The following CDH22 variants were observed in gnomAD, a reference collection of about 807,000 sequenced individuals.
The protein encoded by CDH22 is cadherin-22.
In CDH22, 30 loss-of-function variants were observed where a neutral mutation model predicts 58.4. That is an observed-to-expected ratio of 0.51 (90% CI 0.38 to 0.70). CDH22 has a LOEUF of 0.70. CDH22 is among the 30% of genes least tolerant of loss of function. CDH22 has a pLI of 0.00. For synonymous variants in CDH22, 513 were observed against 558.2 expected, an observed-to-expected ratio of 0.92 and a Z score of 1.14; for missense variants, 1,014 against 1,233.9, an observed-to-expected ratio of 0.82 and a Z score of 2.67.
intron 10 of CDH22, among the ~76,000 whole-genome samples, chr20:46,185,378 G>T (rs1022938008): frequency 1.3e-5 from 2 of 152,152 alleles, no homozygotes; most frequent in African/African-American, 4.8e-5. Flanking sequence ...AGGGCAGTTT[G>T]CTTTCCAGGT....
chr20:46,188,321 T>C (rs1473721655), intron 8 of CDH22, among the ~76,000 whole-genome samples: 3 of 152,196 alleles, frequency 2.0e-5, no homozygotes, highest in Non-Finnish European at 2.9e-5. Flanking sequence ...TGCTGTTTTA[T>C]GTCTGTATAA....
In CDH22 at chr20:46,282,480, C is replaced by A. The variant is rs536646118; in HGVS notation, c.-400+25775G>T. 3.9e-5 allele frequency among the ~76,000 whole-genome samples: 6 copies of A among 152,260 alleles called. No homozygotes were observed. The East Asian group carries it at 1.2e-3, about 29-fold the overall frequency. On this transcript the variant is annotated intron_variant, in intron 1 of 11. Coordinates refer to ENST00000537909, the MANE Select transcript of CDH22 (RefSeq NM_021248.3). ...AAGGGAAAGGAAAAAATGCCAGCTA[C>A]AGCCAGAATAAAATCAGGGCAAATA... is the stretch of plus-strand genomic sequence containing the variant.
chr20:46,212,953 C>T, intron 6 of CDH22, 42 bp downstream of exon 6: 3 of 1,566,782 alleles, frequency 1.9e-6, no homozygotes, highest in South Asian at 2.2e-5. Flanking sequence ...ATCCTCCCAC[C>T]CCTGAGGCCT....
At chr20:46,209,385 G>A (rs1403034260) in intron 7 of CDH22, among the ~76,000 whole-genome samples, 1 of 152,118 alleles carries the variant, frequency 6.6e-6, no homozygotes, top group Non-Finnish European at 1.5e-5. Context: ...GGGAGGTGTG[G>A]TCTGAGAGGT....
Position 46,174,890 on chromosome 20 carries a change from G to A in CDH22, c.2103C>T (p.Asp701=). The change falls in exon 12 of 12, where the codon GAC becomes GAT. Residue 701 remains aspartate (D), a synonymous_variant. Transcript: ENST00000537909. This position sits in a 1 kb window ranked among gnomAD's most constrained non-coding sequence, Gnocchi z 4.4. ...LYDFGELKGG[D]GGGSAGGGAG... ...CTCCCCCGCCCGCGCTGCCGCCCCC[G>A]TCGCCGCCCTTGAGCTCGCCGAAGT... 2 of 829,022 alleles carry A rather than the reference G, an allele frequency of 2.4e-6. No homozygotes were observed. The highest frequency in any genetic ancestry group is 3.1e-6 in the Non-Finnish European group (2 of 635,630). The allele number at this position is 829,022 out of a possible 1,614,324, so 51.4% of individuals were successfully genotyped here. A position where few individuals can be genotyped will look rare whatever the true frequency, so the allele number is the denominator to read the frequency against.
intron 1 of CDH22, among the ~76,000 whole-genome samples, chr20:46,305,434 C>T (rs906811288): frequency 3.9e-5 from 6 of 152,192 alleles, no homozygotes; most frequent in Non-Finnish European, 7.3e-5. Context: ...GACCTGAGGC[C>T]TGGGTTTCCT....
chr20:46,195,906 A>G (rs2145665567), intron 8 of CDH22, among the ~76,000 whole-genome samples: 1 of 152,226 alleles, frequency 6.6e-6, no homozygotes, highest in East Asian at 1.9e-4. Context: ...GTGCTCACCA[A>G]GCGCCGCCGC....
At chr20:46,285,229 T>C (rs2086570848) in intron 1 of CDH22, among the ~76,000 whole-genome samples, 1 of 152,198 alleles carries the variant, frequency 6.6e-6, no homozygotes, top group African/African-American at 2.4e-5. Flanking sequence ...GGAGAATTGT[T>C]CTCGAACAGG....
At chr20:46,177,730 G>A (rs2085751188) in intron 11 of CDH22, among the ~76,000 whole-genome samples, 1 of 152,176 alleles carries the variant, frequency 6.6e-6, no homozygotes, top group African/African-American at 2.4e-5. Context: ...AATGGGGTGG[G>A]CCACAGTGAG....
At chr20:46,307,791 GA>G (rs2059030631) in intron 1 of CDH22, among the ~76,000 whole-genome samples, 1 of 152,028 alleles carries the variant, frequency 6.6e-6, no homozygotes, top group South Asian at 2.1e-4. Context: ...CCGCCTCTGG[GA>G]GGGGCCGGGG....
intron 1 of CDH22, among the ~76,000 whole-genome samples, chr20:46,260,866 G>A (rs1450659963): frequency 6.6e-6 from 1 of 152,278 alleles, no homozygotes; most frequent in South Asian, 2.1e-4. Context: ...ACCTGTCATG[G>A]GATTTCTGTC....
At chr20:46,272,090 AC>A (rs1315288653) in intron 1 of CDH22, among the ~76,000 whole-genome samples, 2 of 152,134 alleles carry the variant, frequency 1.3e-5, no homozygotes, top group Non-Finnish European at 1.5e-5. Flanking sequence ...TCATCCCTGC[AC>A]CCCCAATGGG....
At chr20:46,266,436 G>A (rs2425816) in intron 1 of CDH22, among the ~76,000 whole-genome samples, 47,296 of 152,100 alleles carry the variant, frequency 0.31, 8,545 homozygotes, top group Middle Eastern at 0.52. Context: ...AGGCAGAGAA[G>A]GACCTGCAGG....
intron 1 of CDH22, among the ~76,000 whole-genome samples, chr20:46,268,387 C>G (rs116042714): frequency 6.6e-6 from 1 of 152,250 alleles, no homozygotes; most frequent in Admixed American, 6.5e-5. Flanking sequence ...CGCAGCTCCC[C>G]GAGGTCCCAG....
rs2056282278 is a variant in CDH22, at chr20:46,241,849, G to A, written c.256-592C>T. 6.6e-6 allele frequency among the ~76,000 whole-genome samples: 1 copy of A among 152,194 alleles called. No individual in the cohort carries two copies. Among genetic ancestry groups the A allele is most frequent in the Non-Finnish European group, 1.5e-5 (1 of 68,040 alleles). On this transcript the variant is annotated intron_variant, in intron 2 of 11. Coordinates refer to ENST00000537909, the MANE Select transcript of CDH22 (RefSeq NM_021248.3). This position sits in a 1 kb window ranked among gnomAD's most constrained non-coding sequence, Gnocchi z 5.2. ...ACTCTAGTATGCATGCAGTTCACCT[G>A]GGGATCTTGTTAAAATGCAGATTCT... is the stretch of plus-strand genomic sequence containing the variant.
chr20:46,299,373 C>T (rs1030575195), intron 1 of CDH22, among the ~76,000 whole-genome samples: 9 of 152,238 alleles, frequency 5.9e-5, no homozygotes, highest in Middle Eastern at 3.2e-3. Context: ...CAGAGTCAAG[C>T]GCATCACTTC....
At chr20:46,301,456 T>A (rs1004825999) in intron 1 of CDH22, among the ~76,000 whole-genome samples, 1 of 152,034 alleles carries the variant, frequency 6.6e-6, no homozygotes, top group African/African-American at 2.4e-5. Flanking sequence ...TAGGTTGTCA[T>A]GTTTCTCATT....
chr20:46,223,719 C>T (rs868597960), intron 4 of CDH22, among the ~76,000 whole-genome samples: 114 of 47,624 alleles, frequency 2.4e-3, no homozygotes, highest in Non-Finnish European at 3.7e-3. Context: ...CTTTCTTTTT[C>T]TTTCTTTCTC....
At chr20:46,178,611 A>G (rs1172104634) in intron 10 of CDH22, among the ~76,000 whole-genome samples, 10 of 46,974 alleles carry the variant, frequency 2.1e-4, no homozygotes, top group African/African-American at 9.7e-4. Flanking sequence ...TTTTTTTGCC[A>G]TTTGTCTCAA....
Sources: gnomAD v4.1 joint callset for allele counts (sites outside exome capture counted in the v4.1 genomes callset) on GRCh38, gnomAD v4.1.1 for gene constraint, Gnocchi (gnomAD v3.1) non-coding constraint, MANE v1.5 for transcripts, NCBI Gene and HGNC (gene_info 2026-07-23, HGNC 2026-07-21) for gene names.